The following GNAS variants were observed in gnomAD, a reference collection of about 807,000 sequenced individuals.
GNAS encodes the protein protein ALEX.
In GNAS, 8 loss-of-function variants were observed where a neutral mutation model predicts 54.5. The observed-to-expected ratio is 0.15, with a 90% CI of 0.09 to 0.26. The LOEUF (loss-of-function observed/expected upper bound fraction) is 0.26. Ranked by LOEUF, GNAS falls within the 10% of genes least tolerant of loss-of-function variation. The probability of loss-of-function intolerance (pLI) is 1.00; values close to 1 mark genes in which losing one functional copy is unlikely to be tolerated. For synonymous variants in GNAS, 204 were observed against 191.4 expected, an observed-to-expected ratio of 1.07 and a Z score of -0.54; for missense variants, 170 against 529.8, an observed-to-expected ratio of 0.32 and a Z score of 6.67.
At chr20:58,891,404 G>A, upstream of GNAS, 1 of 269,414 alleles carries the variant, frequency 3.7e-6, no homozygotes, top group Non-Finnish European at 5.6e-6. Flanking sequence ...AAGAGCGGCG[G>A]CGGCGGCAGC....
chr20:58,881,572 G>T (rs2088223627), intron 1 of GNAS, among the ~76,000 whole-genome samples: 1 of 152,248 alleles, frequency 6.6e-6, no homozygotes, highest in East Asian at 1.9e-4. Flanking sequence ...CTTACTACAT[G>T]CTGACATCAT....
chr20:58,871,358 T>C (rs2087432736), intron 1 of GNAS, among the ~76,000 whole-genome samples: 1 of 152,144 alleles, frequency 6.6e-6, no homozygotes, highest in Non-Finnish European at 1.5e-5. Context: ...TTCACGCCTG[T>C]AATCCCAGCA....
chr20:58,864,771 C>A (rs989774785), intron 1 of GNAS, among the ~76,000 whole-genome samples: 1 of 152,204 alleles, frequency 6.6e-6, no homozygotes, highest in African/African-American at 2.4e-5. Flanking sequence ...TACGCTGTGA[C>A]TTCTCCTAGT....
At position 58,911,003 on chromosome 20, in the gene GNAS, A is replaced by G. The variant is rs963362432; in HGVS notation, c.*174A>G. On this transcript the variant is annotated 3_prime_UTR_variant, in exon 13 of 13. Transcript: ENST00000371085. ...CCCTTCAGCTTGCTTAGATGTTCCA[A>G]ATTTAGAAAGCTTAAGGCGGCCTAC... 6.9e-6 allele frequency: 5 copies of G among 727,142 alleles called. No homozygotes were observed. Among genetic ancestry groups the G allele is most frequent in the Non-Finnish European group, 1.2e-5 (5 of 411,338 alleles). The allele number at this position is 727,142 out of a possible 1,614,324, so 45.0% of individuals were successfully genotyped here.
At chr20:58,855,909 G>T (rs746841205) in intron 1 of GNAS, 1 of 490,928 alleles carries the variant, frequency 2.0e-6, no homozygotes, top group Non-Finnish European at 3.6e-6. Flanking sequence ...TTGGGAACGG[G>T]CTGTGTTGTG....
At chr20:58,862,559 G>GTTT (rs371501357) in intron 1 of GNAS, among the ~76,000 whole-genome samples, 2 of 145,676 alleles carry the variant, frequency 1.4e-5, no homozygotes, top group Middle Eastern at 3.6e-3. Context: ...TTGTTGCTGG[G>GTTT]TTTTTTTTTT....
At chr20:58,898,418 T>C (rs1048854032) in intron 2 of GNAS, 1 of 157,268 alleles carries the variant, frequency 6.4e-6, no homozygotes, top group Non-Finnish European at 1.4e-5. Flanking sequence ...CAATTATTTA[T>C]AAATAAAACC....
intron 1 of GNAS, chr20:58,892,157 CTTTCT>C (rs2089474250): frequency 1.3e-5 from 12 of 940,622 alleles, no homozygotes; most frequent in African/African-American, 3.6e-5. Flanking sequence ...CTCTCCCCCT[CTTTCT>C]CTCTTTCTCT....
chr20:58,889,491 C>T (rs1231537184), upstream of GNAS: 3 of 290,692 alleles, frequency 1.0e-5, no homozygotes, highest in African/African-American at 4.6e-5. Context: ...CCCCCCAATT[C>T]TCTCTCTTTT....
intron 1 of GNAS, chr20:58,855,657 C>CTGCCGGGGAGG (rs1319207920): frequency 1.5e-6 from 1 of 667,500 alleles, no homozygotes; most frequent in Non-Finnish European, 2.8e-6. Flanking sequence ...GAGCCAGGAA[C>CTGCCGGGGAGG]TGCCGGGGAG....
In GNAS at chr20:58,891,482, G is replaced by C; in HGVS notation, c.-245G>C. The C allele has an allele frequency of 1.1e-6, 1 of 948,570 alleles. No individual in the cohort carries two copies. Among genetic ancestry groups the C allele is most frequent in the South Asian group, 4.8e-5 (1 of 21,050 alleles). The allele number at this position is 948,570 out of a possible 1,614,324, so 58.8% of individuals were successfully genotyped here. On this transcript the variant is annotated 5_prime_UTR_variant, in exon 1 of 13. Transcript: ENST00000371085. ...CCCGGCGGCGGCCATCAGCCCCCTC[G>C]GCCTCGGCTCGAGGGGCGGGGAGCT...
chr20:58,848,800 G>C, intron 1 of GNAS: 1 of 398,138 alleles, frequency 2.5e-6, no homozygotes, highest in Non-Finnish European at 4.4e-6. Context: ...CCACAGGTGG[G>C]TCAACTCCTC....
chr20:58,855,967 G>A (rs1006030730), intron 1 of GNAS: 17 of 309,936 alleles, frequency 5.5e-5, no homozygotes, highest in African/African-American at 3.5e-4. Context: ...CGCACACTCT[G>A]GTGGTACCTG....
At chr20:58,871,048 T>A (rs1313362764) in intron 1 of GNAS, among the ~76,000 whole-genome samples, 1 of 152,202 alleles carries the variant, frequency 6.6e-6, no homozygotes, top group African/African-American at 2.4e-5. Flanking sequence ...AAACACACAC[T>A]ACAGGACAGT....
upstream of GNAS, chr20:58,888,382 C>T (rs578001517): frequency 6.6e-6 from 1 of 152,248 alleles, no homozygotes; most frequent in African/African-American, 2.4e-5. Flanking sequence ...GATGACCTAA[C>T]CAAGGTCCCA....
rs1019720425 is a variant in GNAS at position 58,854,058 on chromosome 20, C to T, written c.43+13172C>T. On this transcript the variant is annotated intron_variant, in intron 1 of 12. Coordinates refer to the GNAS transcript ENST00000306090. ...GGCAGTCGCGGCCTCGAGTGCGGTC[C>T]GCCTCACTCCCGCCGCGAACGCGCC... The T allele has an allele frequency of 1.9e-6, 3 of 1,610,910 alleles. No individual in the cohort carries two copies. The African/African-American group carries it at 4.0e-5, about 22-fold the overall frequency.
chr20:58,882,362 T>C (rs1274284617), intron 1 of GNAS, among the ~76,000 whole-genome samples: 1 of 152,272 alleles, frequency 6.6e-6, no homozygotes, highest in African/African-American at 2.4e-5. Flanking sequence ...TTTTTTGTTT[T>C]TATTATCAGG....
chr20:58,844,797 CA>C (rs148823649), intron 1 of GNAS, among the ~76,000 whole-genome samples: 10 of 139,208 alleles, frequency 7.2e-5, no homozygotes, highest in East Asian at 4.2e-4. Context: ...GACTCCATCT[CA>C]AAAAAAAAAC....
intron 1 of GNAS, among the ~76,000 whole-genome samples, chr20:58,868,351 A>C (rs113235119): frequency 6.0e-5 from 9 of 149,186 alleles, no homozygotes; most frequent in African/African-American, 2.2e-4. Context: ...ATGGGGTTTC[A>C]CCATGTTAGC....
Sources: gnomAD v4.1 joint callset for allele counts (sites outside exome capture counted in the v4.1 genomes callset) on GRCh38, gnomAD v4.1.1 for gene constraint, MANE v1.5 for transcripts, NCBI Gene and HGNC (gene_info 2026-07-23, HGNC 2026-07-21) for gene names.